PXT1: variants seen among roughly 807,000 people sequenced by gnomAD.
The protein encoded by PXT1 is peroxisomal testis enriched protein 1.
In PXT1, 11 loss-of-function variants were observed where a neutral mutation model predicts 11.0. The observed-to-expected ratio is 1.00, with a 90% confidence interval of 0.63 to 1.66. The LOEUF (loss-of-function observed/expected upper bound fraction) is 1.66, where lower values mean the gene tolerates loss of function less well. Among genes scored for constraint, PXT1 ranks in the 40% most tolerant of loss-of-function variants. The pLI, the probability that PXT1 is intolerant of heterozygous loss-of-function variation, is 0.00. For synonymous variants in PXT1, 43 were observed against 51.4 expected, an observed-to-expected ratio of 0.84 and a Z score of 0.70; for missense variants, 141 against 155.5, an observed-to-expected ratio of 0.91 and a Z score of 0.49.
At position 36,436,076 on chromosome 6, in the gene PXT1, T is replaced by C. The variant is rs1053510518; in HGVS notation, c.-10+2691A>G. 2.1e-5 allele frequency among the ~76,000 whole-genome samples: 3 copies of C among 144,194 alleles called. No homozygotes were observed. In the Admixed American group the frequency reaches 2.1e-4, roughly 10 times the overall value. 94.6% of individuals were successfully genotyped at this position (144,194 alleles called of 152,430 possible). A position where few individuals can be genotyped will look rare whatever the true frequency, so the allele number is the denominator to read the frequency against. On this transcript the variant is annotated intron_variant, in intron 2 of 4. Transcript: ENST00000454782. The stretch of plus-strand genomic sequence containing the variant: ...TTGGTTTTTAAATGATGTGCCTGGA[T>C]TCATTTAATAAAAATTAATTAAAAA...
rs560795086 is a variant in PXT1, at chr6:36,432,417, C to G, written c.-9-6326G>C. 3.9e-5 allele frequency among the ~76,000 whole-genome samples: 6 copies of G among 152,254 alleles called. No homozygotes were observed. In the South Asian group the frequency reaches 1.0e-3, roughly 26 times the overall value. ...TTGGGGGGAAATACACAGAAACACT[C>G]ATTTCATTTTTCTTGAACTGAGACT... On this transcript the variant is annotated intron_variant, in intron 2 of 4. Coordinates refer to ENST00000454782, the MANE Select transcript of PXT1 (RefSeq NM_152990.4).
intron 1 of PXT1, among the ~76,000 whole-genome samples, chr6:36,441,693 G>C (rs545995345): frequency 6.6e-6 from 1 of 152,276 alleles, no homozygotes; most frequent in African/African-American, 2.4e-5. Flanking sequence ...ACACAATACA[G>C]TCCTGCATAC....
intron 3 of PXT1, among the ~76,000 whole-genome samples, chr6:36,406,519 C>T (rs774838747): frequency 6.6e-6 from 1 of 151,908 alleles, no homozygotes; most frequent in Non-Finnish European, 1.5e-5. Context: ...AGAAAGAAAC[C>T]AAGACTCAAG....
intron 1 of PXT1, among the ~76,000 whole-genome samples, chr6:36,440,551 T>G (rs1370994122): frequency 2.0e-5 from 3 of 150,692 alleles, no homozygotes; most frequent in Non-Finnish European, 4.4e-5. Context: ...TCACCCAGCC[T>G]GAGCAACAAA....
At chr6:36,441,279 A>G (rs1043566835) in intron 1 of PXT1, among the ~76,000 whole-genome samples, 3 of 152,236 alleles carry the variant, frequency 2.0e-5, no homozygotes, top group African/African-American at 7.2e-5. Flanking sequence ...AAATAAAGGC[A>G]TTAGTTTGAA....
chr6:36,435,395 CA>C (rs563224587), intron 2 of PXT1, among the ~76,000 whole-genome samples: 530 of 151,790 alleles, frequency 3.5e-3, no homozygotes, highest in African/African-American at 0.012. Flanking sequence ...CCCATCTCTA[CA>C]AAAATTTTTT....
At chr6:36,418,103 G>GGA (rs1187460668) in intron 3 of PXT1, among the ~76,000 whole-genome samples, 1 of 152,106 alleles carries the variant, frequency 6.6e-6, no homozygotes, top group Non-Finnish European at 1.5e-5. Flanking sequence ...GACTGAGGCA[G>GGA]GAGAATGGCG....
intron 2 of PXT1, among the ~76,000 whole-genome samples, chr6:36,436,365 C>T (rs114389181): frequency 4.7e-4 from 71 of 152,248 alleles, no homozygotes; most frequent in Non-Finnish European, 7.8e-4. Flanking sequence ...ATTCAATAAT[C>T]CACTAGGACA....
At chr6:36,410,079 T>G (rs1666298745) in intron 3 of PXT1, among the ~76,000 whole-genome samples, 1 of 146,094 alleles carries the variant, frequency 6.8e-6, no homozygotes, top group Non-Finnish European at 1.5e-5. Context: ...TCCCAGCACT[T>G]TGGGGGGCCA....
At chr6:36,403,876 T>G (rs1032518603) in intron 3 of PXT1, among the ~76,000 whole-genome samples, 20 of 152,138 alleles carry the variant, frequency 1.3e-4, no homozygotes, top group Admixed American at 6.5e-4. Flanking sequence ...TCAAAATAAA[T>G]AAATAAATTG....
chr6:36,416,174 C>CA (rs777709896), intron 3 of PXT1, among the ~76,000 whole-genome samples: 1,409 of 138,264 alleles, frequency 0.01, 26 homozygotes, highest in East Asian at 0.087. Flanking sequence ...CTGTCTCTAC[C>CA]AAAAAGAAAA....
At chr6:36,412,990 A>T (rs1774396267) in intron 3 of PXT1, among the ~76,000 whole-genome samples, 1 of 152,146 alleles carries the variant, frequency 6.6e-6, no homozygotes, top group South Asian at 2.1e-4. Flanking sequence ...GAGAGAAAAG[A>T]TAGGTAATAC....
chr6:36,395,869 G>A (rs1218545911), intron 4 of PXT1, among the ~76,000 whole-genome samples: 2 of 152,004 alleles, frequency 1.3e-5, no homozygotes, highest in African/African-American at 4.8e-5. Context: ...CAGGTGTGGT[G>A]GTGGGCAACT....
intron 3 of PXT1, among the ~76,000 whole-genome samples, chr6:36,423,621 G>C (rs1210393109): frequency 6.6e-6 from 1 of 152,186 alleles, no homozygotes; most frequent in Non-Finnish European, 1.5e-5. Context: ...TGGCGTTCTC[G>C]ACGCCGTAAT....
chr6:36,400,738 G>C (rs1324868735), intron 3 of PXT1, among the ~76,000 whole-genome samples, 154 bp from the exon 4 acceptor site: 1 of 152,174 alleles, frequency 6.6e-6, no homozygotes, highest in East Asian at 1.9e-4. Context: ...GGAGGCCGAG[G>C]TGGGTGGATC....
chr6:36,439,693 A>C (rs1774827761), intron 1 of PXT1, among the ~76,000 whole-genome samples: 1 of 151,986 alleles, frequency 6.6e-6, no homozygotes, highest in Non-Finnish European at 1.5e-5. Context: ...TAGGTTCAAG[A>C]ATGAGACTTG....
intron 4 of PXT1, among the ~76,000 whole-genome samples, chr6:36,396,565 T>C (rs1213990421): frequency 6.6e-6 from 1 of 152,160 alleles, no homozygotes. Context: ...GGGTCCCCAG[T>C]GAGACCCCAC....
chr6:36,396,772 G>C (rs1774149838), intron 4 of PXT1, among the ~76,000 whole-genome samples: 1 of 152,210 alleles, frequency 6.6e-6, no homozygotes, highest in Non-Finnish European at 1.5e-5. Flanking sequence ...GGACAAAGAG[G>C]GTAGAGAGAC....
At chr6:36,428,128 C>T (rs1368703796) in intron 2 of PXT1, among the ~76,000 whole-genome samples, 1 of 152,090 alleles carries the variant, frequency 6.6e-6, no homozygotes, top group African/African-American at 2.4e-5. Flanking sequence ...AGAGCCAGAT[C>T]AGCCCTGGAT....
Sources: allele counts gnomAD v4.1 joint callset (sites outside exome capture counted in the v4.1 genomes callset), GRCh38; gene constraint gnomAD v4.1.1; transcripts MANE v1.5; gene names NCBI Gene and HGNC (gene_info 2026-07-23, HGNC 2026-07-21).